Variants in PPEF1 observed in about 807,000 individuals in gnomAD.
PPEF1 encodes the protein protein phosphatase with EF-hand domain 1, also known as serine/threonine-protein phosphatase with EF-hands 1.
PPEF1 carries 12 observed loss-of-function variants against 53.3 expected under a neutral mutation model. That is an observed-to-expected ratio of 0.23 (90% CI 0.14 to 0.36). PPEF1 has a LOEUF of 0.36. PPEF1 is among the 10% of genes least tolerant of loss of function. The pLI is 1.00. For missense variants in PPEF1, 334 were observed against 490.4 expected (o/e 0.68, Z 3.01); for synonymous variants, 165 against 176.7 (o/e 0.93, Z 0.52).
At chrX:18,819,735 T>C (rs1569273115) in intron 13 of PPEF1, among the ~76,000 whole-genome samples, 1 of 111,022 alleles carries the variant, frequency 9.0e-6, no homozygotes, top group Non-Finnish European at 1.9e-5. Context: ...AAATGAGAAG[T>C]TGAACATACA....
At chrX:18,692,086 T>A (rs1929424657) in intron 4 of PPEF1, among the ~76,000 whole-genome samples, 1 of 112,080 alleles carries the variant, frequency 8.9e-6, no homozygotes, top group Admixed American at 9.5e-5. Context: ...TCTAATCACT[T>A]CAGCTATTGT....
At chrX:18,753,682 T>C (rs1337780123) in intron 4 of PPEF1, among the ~76,000 whole-genome samples, 1 of 112,255 alleles carries the variant, frequency 8.9e-6, no homozygotes, top group African/African-American at 3.2e-5. Flanking sequence ...TTTTCTAATT[T>C]CCTTTGTGAT....
chrX:18,741,138 G>A (rs1300850397), intron 3 of PPEF1, among the ~76,000 whole-genome samples: 2 of 111,898 alleles, frequency 1.8e-5, no homozygotes, highest in Non-Finnish European at 3.8e-5. Flanking sequence ...GGAATGGGGA[G>A]TGGGTGGAAG....
At chrX:18,748,854 G>A (rs1011957091) in intron 3 of PPEF1, among the ~76,000 whole-genome samples, 1 of 111,894 alleles carries the variant, frequency 8.9e-6, no homozygotes, top group African/African-American at 3.2e-5. Context: ...CTTGGAACTG[G>A]TACATAGCAC....
At position 18,807,004 on chromosome X, in the gene PPEF1, G is replaced by GT. The variant is rs34182090; in HGVS notation, c.1394+469dup. 3.0e-3 allele frequency among the ~76,000 whole-genome samples: 142 copies of GT among 47,280 alleles called. 1 individual carries two copies. Among genetic ancestry groups the GT allele is most frequent in the Non-Finnish European group, 3.5e-3 (82 of 23,283 alleles). 41.1% of individuals were successfully genotyped at this position (47,280 alleles called of 115,157 possible). A position where few individuals can be genotyped will look rare whatever the true frequency, so the allele number is the denominator to read the frequency against. On this transcript the variant is annotated intron_variant, in intron 12 of 15. Coordinates refer to ENST00000470157, the MANE Select transcript of PPEF1 (RefSeq NM_001377996.1). Reference sequence around the variant, plus strand: ...ATTATCTTTCTAAGTGTTTTTTTTGGTTTTTTTTTTGTTTGTTTTTTTTCA... The same window carrying GT: ...ATTATCTTTCTAAGTGTTTTTTTTGGTTTTTTTTTTTGTTTGTTTTTTTTCA...
intron 14 of PPEF1, among the ~76,000 whole-genome samples, chrX:18,825,153 T>C (rs761873649): frequency 5.8e-4 from 65 of 112,227 alleles, no homozygotes; most frequent in African/African-American, 2.1e-3. Context: ...TAACAATTCA[T>C]CAGCAGTTAA....
intron 10 of PPEF1, among the ~76,000 whole-genome samples, chrX:18,794,548 T>C (rs2046392528): frequency 8.9e-6 from 1 of 112,887 alleles, no homozygotes; most frequent in Non-Finnish European, 1.9e-5. Context: ...TGATAGCTCC[T>C]GGTCTTCTTG....
At chrX:18,729,409 C>T (rs1602388131) in intron 1 of PPEF1, among the ~76,000 whole-genome samples, 1 of 112,311 alleles carries the variant, frequency 8.9e-6, no homozygotes, top group South Asian at 3.7e-4. Context: ...GTGTTGTGTG[C>T]ATCTTTCCCT....
intron 3 of PPEF1, among the ~76,000 whole-genome samples, chrX:18,687,836 A>C (rs1382807234): frequency 9.1e-6 from 1 of 109,895 alleles, no homozygotes; most frequent in Non-Finnish European, 1.9e-5. Context: ...CTATAGGCGC[A>C]CACCACCATG....
At chrX:18,789,920 G>A (rs1313206926) in intron 10 of PPEF1, among the ~76,000 whole-genome samples, 5 of 112,107 alleles carry the variant, frequency 4.5e-5, no homozygotes, top group African/African-American at 1.6e-4. Context: ...AAGTTTTTCT[G>A]TGCATGTATG....
intron 3 of PPEF1, among the ~76,000 whole-genome samples, chrX:18,690,491 C>T (rs1411301376): frequency 1.8e-5 from 2 of 109,547 alleles, no homozygotes; most frequent in African/African-American, 6.7e-5. Context: ...ATTTTCCTGC[C>T]TCAGCCTCCT....
chrX:18,778,261 A>C (rs891164855), intron 6 of PPEF1, among the ~76,000 whole-genome samples: 18 of 111,631 alleles, frequency 1.6e-4, no homozygotes, highest in African/African-American at 5.9e-4. Flanking sequence ...ATAGTACTAA[A>C]TGAATTAATA....
At chrX:18,695,140 C>A (rs1345890525) in intron 4 of PPEF1, among the ~76,000 whole-genome samples, 1 of 112,282 alleles carries the variant, frequency 8.9e-6, no homozygotes. Flanking sequence ...GAGGGATCCA[C>A]TTCCAAGCCC....
upstream of PPEF1, among the ~76,000 whole-genome samples, chrX:18,682,296 T>C (rs1162111514): frequency 8.9e-6 from 1 of 112,661 alleles, no homozygotes; most frequent in Non-Finnish European, 1.9e-5. Flanking sequence ...CCTCCACGTC[T>C]TCAGGTTGCC....
intron 3 of PPEF1, among the ~76,000 whole-genome samples, chrX:18,745,993 T>G (rs1355285401): frequency 8.9e-6 from 1 of 112,057 alleles, no homozygotes; most frequent in Non-Finnish European, 1.9e-5. Context: ...GTATAAAAAT[T>G]TATGGGCTTT....
intron 1 of PPEF1, among the ~76,000 whole-genome samples, chrX:18,728,057 T>G (rs1448214369): frequency 9.0e-6 from 1 of 110,627 alleles, no homozygotes; most frequent in African/African-American, 3.3e-5. Context: ...ATTAGAGCCT[T>G]GGGGCAGGTG....
chrX:18,804,489 T>G (rs971493539), intron 11 of PPEF1, among the ~76,000 whole-genome samples: 4 of 110,433 alleles, frequency 3.6e-5, no homozygotes, highest in Non-Finnish European at 7.6e-5. Context: ...GTATTTTTAG[T>G]AGAGACAGGG....
chrX:18,826,417 C>CTTTTTTTTTTTTTTTT, intron 15 of PPEF1, among the ~76,000 whole-genome samples: 1 of 24,631 alleles, frequency 4.1e-5, no homozygotes, highest in African/African-American at 2.1e-4. Flanking sequence ...TCATTTTCTG[C>CTTTTTTTTTTTTTTTT]TTTTTTTTTT....
At chrX:18,738,107 G>T (rs2045036920) in intron 3 of PPEF1, among the ~76,000 whole-genome samples, 1 of 110,726 alleles carries the variant, frequency 9.0e-6, no homozygotes, top group Admixed American at 9.7e-5. Context: ...TTTAATTGGA[G>T]CATTTAGCTC....
Sources: gnomAD v4.1 joint callset for allele counts (sites outside exome capture counted in the v4.1 genomes callset) on GRCh38, gnomAD v4.1.1 for gene constraint, MANE v1.5 for transcripts, NCBI Gene and HGNC (gene_info 2026-07-23, HGNC 2026-07-21) for gene names.